The following NRXN1 variants were observed in gnomAD, a reference collection of about 807,000 sequenced individuals.
NRXN1 encodes neurexin 1, also known as neurexin-1.
Under a neutral mutation model 150.9 loss-of-function variants are expected in NRXN1, and 39 were observed. The ratio of observed to expected loss-of-function variants is 0.26; its 90% CI spans 0.20 to 0.34. The LOEUF is 0.34. Ranked by LOEUF, NRXN1 falls within the 10% of genes least tolerant of loss-of-function variation. NRXN1 has a pLI of 1.00. For missense variants in NRXN1, 1,815 were observed against 1,949.9 expected (o/e 0.93, Z 1.30); for synonymous variants, 924 against 757.0 (o/e 1.22, Z -3.62).
At chr2:50,266,348 T>C (rs1432498295) in intron 17 of NRXN1, among the ~76,000 whole-genome samples, 2 of 149,674 alleles carry the variant, frequency 1.3e-5, no homozygotes, top group South Asian at 2.1e-4. Context: ...AGAACCACCC[T>C]GAAATGGACA....
chr2:51,008,955 G>C lies in NRXN1; in HGVS notation c.772+18547C>G, dbSNP rs924837493. Among the ~76,000 whole-genome samples the C allele has an allele frequency of 2.0e-5, 3 of 151,668 alleles. No homozygotes were observed. In the East Asian group the frequency reaches 5.8e-4, roughly 30 times the overall value. On this transcript the variant is annotated intron_variant, in intron 2 of 22. Transcript: ENST00000401669. ...CATACAGTAAATGAAACAAAAATCT[G>C]AGCTGTAGAGTCAATGAAAACAAAG...
In NRXN1 at chr2:50,341,215, T is replaced by C. The variant is rs2077526087; in HGVS notation, c.3365-104245A>G. On this transcript the variant is annotated intron_variant, in intron 17 of 22. Transcript: ENST00000401669. ...ATTTAGATCTCTGTTGTCACATCTG[T>C]AAAATGAAAGGAATATACTCCTCAA... Among the ~76,000 whole-genome samples, 7 of 152,162 alleles carry C rather than the reference T, an allele frequency of 4.6e-5. No homozygotes were observed. In the South Asian group the frequency reaches 1.4e-3, roughly 31 times the overall value.
At chr2:50,534,561 C>T (rs1190322488) in intron 10 of NRXN1, among the ~76,000 whole-genome samples, 2 of 152,028 alleles carry the variant, frequency 1.3e-5, no homozygotes, top group Admixed American at 6.6e-5. Flanking sequence ...GAGAAAAATG[C>T]TTGTGGTATA....
chr2:50,329,349 G>A (rs980253276), intron 17 of NRXN1, among the ~76,000 whole-genome samples: 4 of 151,426 alleles, frequency 2.6e-5, no homozygotes, highest in Admixed American at 1.3e-4. Context: ...CAGTTAAAAC[G>A]ATGAGGGTTT....
chr2:50,507,277 C>A (rs987158445), intron 12 of NRXN1, among the ~76,000 whole-genome samples: 5 of 152,002 alleles, frequency 3.3e-5, no homozygotes, highest in Admixed American at 3.3e-4. Flanking sequence ...AACTAATTGA[C>A]CTGTACGTCA....
chr2:50,783,474 C>T (rs1227450403), intron 5 of NRXN1, among the ~76,000 whole-genome samples: 1 of 152,086 alleles, frequency 6.6e-6, no homozygotes. Flanking sequence ...TCCATGTCCT[C>T]AGAGAATAAA....
intron 17 of NRXN1, among the ~76,000 whole-genome samples, chr2:50,344,517 T>C (rs969975715): frequency 1.3e-5 from 2 of 152,166 alleles, no homozygotes; most frequent in African/African-American, 4.8e-5. Flanking sequence ...GAAAGTTCTT[T>C]GACCCAAAAG....
chr2:50,641,099 G>A (rs974770589), intron 5 of NRXN1, among the ~76,000 whole-genome samples: 2 of 152,030 alleles, frequency 1.3e-5, no homozygotes, highest in South Asian at 2.1e-4. Context: ...AATTTTAAAC[G>A]TCTAAGCTGC....
intron 8 of NRXN1, among the ~76,000 whole-genome samples, chr2:50,593,242 AAT>A (rs1674585335): frequency 6.6e-6 from 1 of 152,224 alleles, no homozygotes. Context: ...AATGCACAAG[AAT>A]ATGTTTGGAG....
At chr2:50,008,114 G>C (rs1685069455) in intron 21 of NRXN1, among the ~76,000 whole-genome samples, 1 of 152,082 alleles carries the variant, frequency 6.6e-6, no homozygotes, top group East Asian at 1.9e-4. Flanking sequence ...CAAGATCCTT[G>C]CCTTATTAAT....
In NRXN1 at chr2:50,575,891, C is replaced by G. The variant is rs553649730; in HGVS notation, c.1321-22866G>C. Among the ~76,000 whole-genome samples the G allele has an allele frequency of 2.8e-4, 43 of 152,262 alleles. 1 individual carries two copies. Among genetic ancestry groups the G allele is most frequent in the African/African-American group, 9.1e-4 (38 of 41,556 alleles). On this transcript the variant is annotated intron_variant, in intron 8 of 22. Coordinates refer to ENST00000401669, the MANE Select transcript of NRXN1 (RefSeq NM_001330078.2). ...TCTTTCAAGCAGAATTGCCCTCTCT[C>G]GTAACCAGAAATCAAATTGCATCTA...
Position 50,467,695 on chromosome 2 carries a change from A to G in NRXN1, c.3245-2134T>C, listed in dbSNP as rs554027082. On this transcript the variant is annotated intron_variant, in intron 16 of 22. Transcript: ENST00000401669. ...AACAGCAATAATTGTAACAATAATTAAAACAAAAATAGTAGTTTATATAAG... is the reference window on the plus strand; with the variant it reads ...AACAGCAATAATTGTAACAATAATTGAAACAAAAATAGTAGTTTATATAAG... Among the ~76,000 whole-genome samples, 46 of 151,514 alleles carry G rather than the reference A, an allele frequency of 3.0e-4. 1 individual carries two copies. In the South Asian group the frequency reaches 9.5e-3, roughly 31 times the overall value.
intron 21 of NRXN1, among the ~76,000 whole-genome samples, chr2:49,992,397 C>A (rs1340722560): frequency 3.7e-5 from 4 of 108,350 alleles, no homozygotes; most frequent in Admixed American, 1.9e-4. Context: ...AAAAAAAAAA[C>A]ACCCCAAAAA....
intron 18 of NRXN1, among the ~76,000 whole-genome samples, chr2:50,152,396 A>T (rs187483954): frequency 6.6e-6 from 1 of 151,868 alleles, no homozygotes; most frequent in East Asian, 1.9e-4. Flanking sequence ...TTAAAGGCTG[A>T]ATAATGTTCC....
chr2:49,977,504 TTAAA>T (rs1408981011), intron 21 of NRXN1, among the ~76,000 whole-genome samples: 1 of 152,180 alleles, frequency 6.6e-6, no homozygotes, highest in Non-Finnish European at 1.5e-5. Flanking sequence ...TTCCGAAAGA[TTAAA>T]TAAATATATT....
intron 2 of NRXN1, among the ~76,000 whole-genome samples, chr2:51,010,450 T>C (rs575224464): frequency 6.6e-6 from 1 of 152,014 alleles, no homozygotes; most frequent in Non-Finnish European, 1.5e-5. Context: ...CATGTTATAT[T>C]GTGAGTCATT....
At chr2:50,397,326 T>C (rs1254633187) in intron 17 of NRXN1, among the ~76,000 whole-genome samples, 1 of 152,100 alleles carries the variant, frequency 6.6e-6, no homozygotes. Context: ...AATGCTGACT[T>C]AGCCTTCCCT....
At chr2:50,648,446 G>T (rs1685129163) in intron 5 of NRXN1, among the ~76,000 whole-genome samples, 1 of 151,944 alleles carries the variant, frequency 6.6e-6, no homozygotes, top group Non-Finnish European at 1.5e-5. Context: ...TCTACCAAAT[G>T]GAATTCACTT....
chr2:50,589,375 T>A (rs1409185953), intron 8 of NRXN1: 1 of 151,724 alleles, frequency 6.6e-6, no homozygotes, highest in Non-Finnish European at 1.5e-5. Flanking sequence ...TGGGTGGGAG[T>A]AGTTTCCTGC....
Sources: gnomAD v4.1 joint callset for allele counts (sites outside exome capture counted in the v4.1 genomes callset) on GRCh38, gnomAD v4.1.1 for gene constraint, MANE v1.5 for transcripts, NCBI Gene and HGNC (gene_info 2026-07-23, HGNC 2026-07-21) for gene names.